MCTP1: variants seen among roughly 807,000 people sequenced by gnomAD.
The protein encoded by MCTP1 is multiple C2 and transmembrane domain-containing protein 1.
In MCTP1, 69 loss-of-function variants were observed where a neutral mutation model predicts 120.6. The ratio of observed to expected loss-of-function variants is 0.57; its 90% CI spans 0.47 to 0.70. The LOEUF (loss-of-function observed/expected upper bound fraction) is 0.70, where lower values mean the gene tolerates loss of function less well. MCTP1 is among the 30% of genes least tolerant of loss of function. The pLI is 0.00. For synonymous variants in MCTP1, 529 were observed against 493.1 expected (o/e 1.07, Z -0.96); for missense variants, 1,203 against 1,248.8 (o/e 0.96, Z 0.55).
intron 1 of MCTP1, among the ~76,000 whole-genome samples, chr5:95,098,693 T>A (rs1256191530): frequency 1.3e-5 from 2 of 152,048 alleles, no homozygotes; most frequent in Non-Finnish European, 2.9e-5. Flanking sequence ...ATGGCCATAC[T>A]GCCCAAGGTA....
intron 1 of MCTP1, among the ~76,000 whole-genome samples, chr5:95,191,229 AT>A (rs576882239): frequency 2.4e-4 from 37 of 152,146 alleles, no homozygotes; most frequent in African/African-American, 8.4e-4. Context: ...TACATGAAAA[AT>A]ATCTGTGTTT....
intron 17 of MCTP1, among the ~76,000 whole-genome samples, chr5:94,848,741 G>A (rs535801445): frequency 1.3e-5 from 2 of 151,790 alleles, no homozygotes; most frequent in East Asian, 3.9e-4. Flanking sequence ...AAGATGCACT[G>A]TATTGCTAAT....
chr5:94,732,469 A>G (rs1763308681), intron 19 of MCTP1, among the ~76,000 whole-genome samples: 1 of 152,186 alleles, frequency 6.6e-6, no homozygotes. Context: ...ATTTCTTCTT[A>G]GCACTTTATT....
chr5:95,172,957 A>T (rs1004346889), intron 1 of MCTP1, among the ~76,000 whole-genome samples: 1 of 152,186 alleles, frequency 6.6e-6, no homozygotes, highest in African/African-American at 2.4e-5. Context: ...TACACATGGT[A>T]ATTTTCACAG....
chr5:94,846,871 C>A, intron 17 of MCTP1, among the ~76,000 whole-genome samples: 1 of 151,642 alleles, frequency 6.6e-6, no homozygotes, highest in East Asian at 1.9e-4. Flanking sequence ...CTTGATAATT[C>A]AAATGAGCAT....
chr5:94,912,428 C>CAAAAAAA (rs564439495), intron 9 of MCTP1, among the ~76,000 whole-genome samples: 1 of 31,450 alleles, frequency 3.2e-5, no homozygotes, highest in African/African-American at 1.2e-4. Context: ...GAGACTCCAT[C>CAAAAAAA]AAAAAAAAAA....
chr5:95,125,985 CAT>C (rs1758597186), intron 1 of MCTP1, among the ~76,000 whole-genome samples: 2 of 152,146 alleles, frequency 1.3e-5, no homozygotes, highest in African/African-American at 4.8e-5. Context: ...AGAAAGATAA[CAT>C]ATTAAACTTT....
Position 94,964,117 on chromosome 5 carries a change from C to T in MCTP1, c.839-10756G>A, listed in dbSNP as rs74862906. ...TACATATGATGGATTTATTTCTGGG[C>T]TCTGTATTCTGCTTTGTTGGCCTAT... On this transcript the variant is annotated intron_variant, in intron 2 of 22. Transcript: ENST00000515393. 5.0e-3 allele frequency among the ~76,000 whole-genome samples: 754 copies of T among 152,180 alleles called. 7 individuals are homozygous for T. Among genetic ancestry groups the T allele is most frequent in the African/African-American group, 0.017 (701 of 41,522 alleles).
chr5:94,818,952 A>C (rs1262456677), intron 17 of MCTP1, among the ~76,000 whole-genome samples: 3 of 152,188 alleles, frequency 2.0e-5, no homozygotes, highest in African/African-American at 7.2e-5. Flanking sequence ...ATTTAGAACA[A>C]GGGGTTATTT....
Position 94,860,226 on chromosome 5 carries a change from C to T in MCTP1, c.2436+8107G>A, listed in dbSNP as rs183772839. ...CTTCCAATGAAGATCTAATAGGTAA[C>T]GAAACCTAAGGAAATATATGTTTAT... On this transcript the variant is annotated intron_variant, in intron 17 of 22. Transcript: ENST00000515393. Among the ~76,000 whole-genome samples the T allele has an allele frequency of 1.3e-3, 197 of 151,532 alleles. 1 individual carries two copies. Among genetic ancestry groups the T allele is most frequent in the African/African-American group, 4.6e-3 (190 of 41,376 alleles).
At chr5:95,197,508 A>G (rs1218291272) in intron 1 of MCTP1, among the ~76,000 whole-genome samples, 1 of 152,184 alleles carries the variant, frequency 6.6e-6, no homozygotes, top group Non-Finnish European at 1.5e-5. Context: ...TGTTTAGCCT[A>G]CGAATTGACA....
intron 1 of MCTP1, among the ~76,000 whole-genome samples, chr5:95,054,911 G>A (rs1336195179): frequency 1.3e-5 from 2 of 152,062 alleles, no homozygotes; most frequent in African/African-American, 4.8e-5. Context: ...AAGATCAAGC[G>A]ATTCTCCTGC....
Position 95,197,076 on chromosome 5 carries a change from C to A in MCTP1, c.720+86780G>T, listed in dbSNP as rs150915429. The stretch of plus-strand genomic sequence containing the variant: ...TATCTGATCATCGTATATTTCAAAG[C>A]AGTTTTCCCAGGTTCATTAGCAAGA... On this transcript the variant is annotated intron_variant, in intron 1 of 22. Coordinates refer to ENST00000515393, the MANE Select transcript of MCTP1 (RefSeq NM_024717.7). Among the ~76,000 whole-genome samples the A allele has an allele frequency of 8.8e-3, 1,341 of 152,196 alleles. 11 individuals are homozygous for A. Among genetic ancestry groups the A allele is most frequent in the Middle Eastern group, 0.014 (4 of 294 alleles).
At chr5:94,963,233 C>T (rs1194569328) in intron 2 of MCTP1, among the ~76,000 whole-genome samples, 5 of 152,024 alleles carry the variant, frequency 3.3e-5, no homozygotes, top group Non-Finnish European at 5.9e-5. Flanking sequence ...GCTTCCATAT[C>T]TTGGCTATTG....
chr5:95,096,392 T>C (rs1308441922), intron 1 of MCTP1, among the ~76,000 whole-genome samples: 1 of 152,162 alleles, frequency 6.6e-6, no homozygotes, highest in East Asian at 1.9e-4. Flanking sequence ...ATAAACCTCT[T>C]ATAACCAATA....
At chr5:94,852,984 C>T (rs1403896326) in intron 17 of MCTP1, among the ~76,000 whole-genome samples, 2 of 151,942 alleles carry the variant, frequency 1.3e-5, no homozygotes, top group African/African-American at 4.8e-5. Flanking sequence ...ATATATGACT[C>T]ACAAATTATC....
intron 3 of MCTP1, among the ~76,000 whole-genome samples, chr5:94,950,387 A>T (rs532025196): frequency 2.0e-5 from 3 of 152,046 alleles, no homozygotes; most frequent in South Asian, 2.1e-4. Context: ...AAAGTGATTT[A>T]AAAAAAACCC....
At chr5:94,742,508 G>A (rs1765752306) in intron 19 of MCTP1, among the ~76,000 whole-genome samples, 2 of 152,184 alleles carry the variant, frequency 1.3e-5, no homozygotes. Context: ...AACAGCCTTA[G>A]GTCAAACCCA....
chr5:94,844,285 G>A (rs1791787972), intron 17 of MCTP1, among the ~76,000 whole-genome samples: 1 of 113,590 alleles, frequency 8.8e-6, no homozygotes, highest in African/African-American at 3.3e-5. Context: ...CTGGGCGACA[G>A]AGTGAGACTC....
Sources: allele counts gnomAD v4.1 joint callset (sites outside exome capture counted in the v4.1 genomes callset), GRCh38; gene constraint gnomAD v4.1.1; transcripts MANE v1.5; gene names NCBI Gene and HGNC (gene_info 2026-07-23, HGNC 2026-07-21).